EIF2B1: variants seen among roughly 807,000 people sequenced by gnomAD.
EIF2B1 encodes translation initiation factor eIF2B subunit alpha.
Under a neutral mutation model 36.8 loss-of-function variants are expected in EIF2B1, and 30 were observed. The ratio of observed to expected loss-of-function variants is 0.81; its 90% CI spans 0.61 to 1.10. EIF2B1 has a LOEUF of 1.10. Among genes scored for constraint, EIF2B1 ranks in the 50% least tolerant of loss-of-function variants. The pLI is 0.00. For synonymous variants in EIF2B1, 139 were observed against 142.2 expected, an observed-to-expected ratio of 0.98 and a Z score of 0.16; for missense variants, 271 against 374.8, an observed-to-expected ratio of 0.72 and a Z score of 2.29.
At position 123,623,835 on chromosome 12, in the gene EIF2B1, G is replaced by A. The variant is rs1340975241; in HGVS notation, c.627+952C>T. Among the ~76,000 whole-genome samples the A allele has an allele frequency of 4.6e-5, 7 of 152,170 alleles. No homozygotes were observed. In the East Asian group the frequency reaches 1.3e-3, roughly 29 times the overall value. ...TGAAGCTTTTCTAAATTAAATAATG[G>A]AGAGAGAGATTGTAATAAATTGAGG... On this transcript the variant is annotated intron_variant, in intron 7 of 8. Coordinates refer to ENST00000424014, the MANE Select transcript of EIF2B1 (RefSeq NM_001414.4).
intron 4 of EIF2B1, among the ~76,000 whole-genome samples, chr12:123,628,324 T>A (rs1955163142): frequency 6.8e-6 from 1 of 147,902 alleles, no homozygotes; most frequent in East Asian, 2.1e-4. Context: ...ATTATACACA[T>A]AAGCCACCAC....
chr12:123,621,044 ATTT>A lies in EIF2B1; in HGVS notation c.*709_*711del, dbSNP rs1955087480. On this transcript the variant is annotated 3_prime_UTR_variant, in exon 9 of 9. Coordinates refer to ENST00000424014, the MANE Select transcript of EIF2B1 (RefSeq NM_001414.4). ...CACATCAGCGTCTTTCATAGAGTTT[ATTT>A]GAAAAGATGCTGAATTTATTCCCAA... 6.5e-6 allele frequency: 1 copy of A among 154,584 alleles called. No homozygotes were observed. Among genetic ancestry groups the A allele is most frequent in the Admixed American group, 6.4e-5 (1 of 15,732 alleles). The allele number at this position is 154,584 out of a possible 1,614,324, so 9.6% of individuals were successfully genotyped here.
intron 1 of EIF2B1, 86 bp downstream of exon 1, chr12:123,633,459 C>T (rs1162034861): frequency 1.3e-6 from 2 of 1,581,564 alleles, no homozygotes; most frequent in South Asian, 1.1e-5. Context: ...GAAATCTCTT[C>T]GGGAGCTCAG....
chr12:123,632,301 ACTATCC>A, intron 2 of EIF2B1, 38 bp downstream of exon 2: 1 of 1,237,958 alleles, frequency 8.1e-7, no homozygotes, highest in South Asian at 1.3e-5. Context: ...GAAAAAAAAG[ACTATCC>A]TAAGTCCCAG....
chr12:123,620,628 A>ATATATATATATATAT lies in EIF2B1; in HGVS notation c.*1127_*1128insATATATATATATATA, dbSNP rs1955073997. The ATATATATATATATAT allele has an allele frequency of 3.2e-5, 3 of 93,042 alleles. No homozygotes were observed. Among genetic ancestry groups the ATATATATATATATAT allele is most frequent in the South Asian group, 3.4e-4 (1 of 2,956 alleles). The allele number at this position is 93,042 out of a possible 1,614,324, so 5.8% of individuals were successfully genotyped here. A position where few individuals can be genotyped will look rare whatever the true frequency, so the allele number is the denominator to read the frequency against. On this transcript the variant is annotated 3_prime_UTR_variant, in exon 9 of 9. Coordinates refer to ENST00000424014, the MANE Select transcript of EIF2B1 (RefSeq NM_001414.4). The stretch of plus-strand genomic sequence containing the variant: ...TATATATATATATATATATATATAT[A>ATATATATATATATAT]AGCTCTTTTTTCTGAGGCTATTTTA...
Position 123,621,690 on chromosome 12 carries a change from T to C in EIF2B1, c.*66A>G. 1 of 1,602,056 alleles carries C rather than the reference T, an allele frequency of 6.2e-7. No homozygotes were observed. The highest frequency in any genetic ancestry group is 8.5e-7 in the Non-Finnish European group (1 of 1,171,424). On this transcript the variant is annotated 3_prime_UTR_variant, in exon 9 of 9. Coordinates refer to ENST00000424014, the MANE Select transcript of EIF2B1 (RefSeq NM_001414.4). ...TCAGTTTTGGCCTGACTCACTGGGG[T>C]GTCAAGCAGCTACTCACCCTGCCTC...
chr12:123,624,817 T>A lies in EIF2B1; in HGVS notation c.597A>T (p.Gly199=). 6.2e-7 allele frequency: 1 copy of A among 1,614,042 alleles called. No individual in the cohort carries two copies. Among genetic ancestry groups the A allele is most frequent in the South Asian group, 1.1e-5 (1 of 91,078 alleles). Residue 199 remains glycine, a synonymous_variant, in exon 7 of 9, where the codon GGA becomes GGT. Transcript: ENST00000424014. ...KADLVIVGAE[G]VVENGGIINK... ...TAATAATTCCTCCGTTTTCAACAAC[T>A]CCTTCAGCACCAACTATGACAAGAT...
chr12:123,626,389 G>A (rs992655043), intron 6 of EIF2B1, 36 bp downstream of exon 6: 2 of 1,613,098 alleles, frequency 1.2e-6, no homozygotes, highest in African/African-American at 1.3e-5. Flanking sequence ...CATGGGGTGG[G>A]GGAGGTGATT....
In EIF2B1 at chr12:123,630,003, A is replaced by C; in HGVS notation, c.369+166T>G. 1.4e-6 allele frequency: 1 copy of C among 701,414 alleles called. No individual in the cohort carries two copies. Among genetic ancestry groups the C allele is most frequent in the Non-Finnish European group, 2.6e-6 (1 of 391,938 alleles). 43.4% of individuals were successfully genotyped at this position (701,414 alleles called of 1,614,324 possible). A position where few individuals can be genotyped will look rare whatever the true frequency, so the allele number is the denominator to read the frequency against. On this transcript the variant is annotated intron_variant, in intron 4 of 8. Coordinates refer to ENST00000424014, the MANE Select transcript of EIF2B1 (RefSeq NM_001414.4). This position sits in a 1 kb window ranked among gnomAD's most constrained non-coding sequence, Gnocchi z 4.6. ...AATCCTCACAACAACCCAAGGAGGT[A>C]GGTACTATTGTCATCCTTATTTAAC...
At chr12:123,626,826 C>T (rs1244764225) in intron 5 of EIF2B1, 8 of 698,166 alleles carry the variant, frequency 1.1e-5, no homozygotes, top group South Asian at 3.0e-5. Flanking sequence ...TGCTCTTCCA[C>T]GGAGTTAACT....
intron 7 of EIF2B1, among the ~76,000 whole-genome samples, chr12:123,623,123 G>C: frequency 6.9e-6 from 1 of 145,720 alleles, no homozygotes; most frequent in East Asian, 2.1e-4. Context: ...GCTCACGCCT[G>C]TAATCCCAGC....
intron 5 of EIF2B1, 158 bp from the exon 6 acceptor site, chr12:123,626,651 T>C (rs1955151006): frequency 1.2e-6 from 1 of 835,582 alleles, no homozygotes; most frequent in Non-Finnish European, 2.0e-6. Context: ...AAACAAGAAT[T>C]TGAGTTCTTT....
chr12:123,626,858 C>T (rs1409949029), intron 5 of EIF2B1, 186 bp downstream of exon 5: 2 of 712,832 alleles, frequency 2.8e-6, no homozygotes, highest in African/African-American at 1.7e-5. Flanking sequence ...ACCCCTAGAT[C>T]ATATACTGCG....
rs1320088555 is a variant in EIF2B1 at position 123,627,139 on chromosome 12, G to A, written c.387C>T (p.Ala129=). The change falls in exon 5 of 9, where the codon GCC becomes GCT. Residue 129 remains alanine, a synonymous_variant. Transcript: ENST00000424014. ...GGACTCTCAGGACCACTCTGGAGTA[G>A]GCGTGAGTCAATATTGTCTGTGGAC... ...IKDGATILTH[A]YSRVVLRVLE... The A allele has an allele frequency of 6.2e-7, 1 of 1,613,970 alleles. No homozygotes were observed. Among genetic ancestry groups the A allele is most frequent in the Non-Finnish European group, 8.5e-7 (1 of 1,180,014 alleles).
At chr12:123,631,478 C>T (rs1180197075) in intron 2 of EIF2B1, among the ~76,000 whole-genome samples, 2 of 152,040 alleles carry the variant, frequency 1.3e-5, no homozygotes, top group East Asian at 3.9e-4. Context: ...TTTAAGACCA[C>T]TGTGGCCAAC....
intron 4 of EIF2B1, among the ~76,000 whole-genome samples, chr12:123,628,026 G>C (rs558398432): frequency 5.3e-5 from 8 of 152,276 alleles, no homozygotes; most frequent in Admixed American, 1.3e-4. Context: ...CTGTGGCGTG[G>C]ATGCAATGTG....
intron 2 of EIF2B1, among the ~76,000 whole-genome samples, chr12:123,632,067 C>T (rs1179338419): frequency 1.3e-5 from 2 of 151,654 alleles, no homozygotes; most frequent in South Asian, 2.1e-4. Flanking sequence ...CTCAGGAGTT[C>T]GAGACCAGCC....
chr12:123,622,447 T>TA (rs1232651667), intron 8 of EIF2B1, among the ~76,000 whole-genome samples, 189 bp downstream of exon 8: 4 of 152,294 alleles, frequency 2.6e-5, no homozygotes, highest in Admixed American at 2.6e-4. Flanking sequence ...TGGTGCTACT[T>TA]AAAGAGACTG....
chr12:123,625,552 G>A (rs1293486380), intron 6 of EIF2B1, among the ~76,000 whole-genome samples: 1 of 152,170 alleles, frequency 6.6e-6, no homozygotes, highest in African/African-American at 2.4e-5. Flanking sequence ...TCTTTAAAAT[G>A]AGCAATTAGT....
Sources: gnomAD v4.1 joint callset for allele counts (sites outside exome capture counted in the v4.1 genomes callset) on GRCh38, gnomAD v4.1.1 for gene constraint, Gnocchi (gnomAD v3.1) non-coding constraint, MANE v1.5 for transcripts, NCBI Gene and HGNC (gene_info 2026-07-23, HGNC 2026-07-21) for gene names.